PRORP: variants seen among roughly 807,000 people sequenced by gnomAD.
The protein encoded by PRORP is protein only RNase P catalytic subunit.
A neutral mutation model predicts 59.4 loss-of-function variants in PRORP; 51 were observed. The ratio of observed to expected loss-of-function variants is 0.86; its 90% CI spans 0.69 to 1.08. The LOEUF is 1.08. Ranked by LOEUF, PRORP falls within the 50% of genes least tolerant of loss-of-function variation. PRORP has a pLI of 0.00. For missense variants in PRORP, 646 were observed against 690.3 expected (o/e 0.94, Z 0.72); for synonymous variants, 231 against 245.6 (o/e 0.94, Z 0.55).
intron 5 of PRORP, among the ~76,000 whole-genome samples, chr14:35,240,178 C>T (rs1237503095): frequency 1.3e-5 from 2 of 152,014 alleles, no homozygotes; most frequent in Non-Finnish European, 2.9e-5. Context: ...AATCATTTCA[C>T]TACCACCAAA....
chr14:35,129,479 CT>C (rs1230052932), intron 4 of PRORP, among the ~76,000 whole-genome samples: 216 of 140,768 alleles, frequency 1.5e-3, no homozygotes, highest in African/African-American at 1.4e-3. Context: ...TTGTATTTTT[CT>C]TTTTTTTTTT....
intron 4 of PRORP, among the ~76,000 whole-genome samples, chr14:35,180,279 G>A (rs1386585531): frequency 1.3e-5 from 2 of 152,148 alleles, no homozygotes; most frequent in African/African-American, 2.4e-5. Context: ...CTTCCGCATC[G>A]CTCACGCTGG....
intron 4 of PRORP, among the ~76,000 whole-genome samples, chr14:35,130,053 C>T (rs1338040972): frequency 1.0e-4 from 13 of 128,314 alleles, no homozygotes; most frequent in African/African-American, 3.5e-4. Flanking sequence ...TTTTTTGAGA[C>T]GGAGTCTCGC....
intron 5 of PRORP, among the ~76,000 whole-genome samples, chr14:35,189,226 G>T (rs2048821722): frequency 6.6e-6 from 1 of 151,944 alleles, no homozygotes; most frequent in East Asian, 1.9e-4. Context: ...ATTGTATTTT[G>T]CTTAAAGTAT....
chr14:35,178,467 T>A lies in PRORP; in HGVS notation c.1168-2203T>A, dbSNP rs1047194251. Among the ~76,000 whole-genome samples the A allele has an allele frequency of 2.0e-5, 3 of 152,362 alleles. No homozygotes were observed. In the South Asian group the frequency reaches 6.2e-4, roughly 32 times the overall value. On this transcript the variant is annotated intron_variant, in intron 4 of 7. Transcript: ENST00000534898. The stretch of plus-strand genomic sequence containing the variant: ...TATATTTAGGATAGTTAGCTCTTCT[T>A]GTTGAATTGATCCCTTTACCATTAT...
intron 5 of PRORP, among the ~76,000 whole-genome samples, chr14:35,195,606 A>G (rs969131718): frequency 1.3e-5 from 2 of 152,122 alleles, no homozygotes; most frequent in African/African-American, 4.8e-5. Context: ...ATAAGAAACT[A>G]AAATAAATCT....
chr14:35,176,075 G>C (rs529653715), intron 4 of PRORP, among the ~76,000 whole-genome samples: 1 of 152,000 alleles, frequency 6.6e-6, no homozygotes, highest in African/African-American at 2.4e-5. Flanking sequence ...ATTTCTGAGG[G>C]CTCTGTTCTG....
At chr14:35,256,869 C>CTTT (rs71121272) in intron 5 of PRORP, among the ~76,000 whole-genome samples, 17 of 136,894 alleles carry the variant, frequency 1.2e-4, no homozygotes, top group Non-Finnish European at 1.3e-4. Flanking sequence ...TGATAAAATC[C>CTTT]TTTTTTTTTT....
At chr14:35,131,939 A>C (rs1001801431) in intron 4 of PRORP, among the ~76,000 whole-genome samples, 1 of 151,766 alleles carries the variant, frequency 6.6e-6, no homozygotes, top group African/African-American at 2.4e-5. Flanking sequence ...TCCCAGGTTC[A>C]AGTGATTCTC....
chr14:35,221,784 C>T (rs375324505), intron 5 of PRORP, among the ~76,000 whole-genome samples: 4 of 152,172 alleles, frequency 2.6e-5, no homozygotes, highest in Admixed American at 6.6e-5. Flanking sequence ...ATATTCTCTT[C>T]GTTTTTGAAA....
At chr14:35,180,472 T>A (rs2048575436) in intron 4 of PRORP, among the ~76,000 whole-genome samples, 198 bp from the exon 5 acceptor site, 1 of 152,154 alleles carries the variant, frequency 6.6e-6, no homozygotes, top group Admixed American at 6.6e-5. Context: ...ATTGGATAAT[T>A]GTATGCAGTT....
chr14:35,230,671 G>A (rs1471696622), intron 5 of PRORP, among the ~76,000 whole-genome samples: 2 of 152,170 alleles, frequency 1.3e-5, no homozygotes, highest in African/African-American at 4.8e-5. Context: ...GGTGATTCTT[G>A]TGAAAGAGGT....
chr14:35,252,450 A>G (rs989932516), intron 5 of PRORP, among the ~76,000 whole-genome samples: 1 of 152,124 alleles, frequency 6.6e-6, no homozygotes, highest in Admixed American at 6.5e-5. Flanking sequence ...AACAAACAAA[A>G]AAACAAATTA....
Position 35,126,743 on chromosome 14 carries a change from G to A in PRORP, c.995G>A (p.Gly332Glu). The A allele has an allele frequency of 1.2e-6, 2 of 1,609,426 alleles. No homozygotes were observed. The highest frequency in any genetic ancestry group is 1.7e-6 in the Non-Finnish European group (2 of 1,177,232). Residue 332 changes from glycine (G) to glutamate (E), a missense_variant, in exon 3 of 8, where the codon GGA becomes GAA. Transcript: ENST00000534898. Reference sequence around the variant, plus strand: ...TTGCAATCTTTTCATAGTGTTCCTGGAAAACAATGGAAAGGACAATTCACC... The same window carrying A: ...TTGCAATCTTTTCATAGTGTTCCTGAAAAACAATGGAAAGGACAATTCACC... ...SIKTWFESVP[G>E]KQWKGQFTTV...
intron 6 of PRORP, among the ~76,000 whole-genome samples, chr14:35,267,919 C>T (rs1358277718): frequency 6.6e-6 from 1 of 152,132 alleles, no homozygotes; most frequent in African/African-American, 2.4e-5. Context: ...GCAGAAACCG[C>T]AATGCAGAGG....
intron 4 of PRORP, among the ~76,000 whole-genome samples, chr14:35,135,849 T>TA (rs1212245607): frequency 6.6e-6 from 1 of 150,488 alleles, no homozygotes. Context: ...TCCCAGCTAC[T>TA]AAGGAGGCTG....
Position 35,123,799 on chromosome 14 carries a change from G to C in PRORP, c.554G>C (p.Cys185Ser), listed in dbSNP as rs1300285021. The C allele has an allele frequency of 1.9e-6, 3 of 1,614,028 alleles. No homozygotes were observed. Among genetic ancestry groups the C allele is most frequent in the Non-Finnish European group, 2.5e-6 (3 of 1,180,004 alleles). The change falls in exon 2 of 8, where the codon TGT becomes TCT. Residue 185 changes from cysteine (C) to serine (S), a missense_variant. Cys to Ser is a moderately radical substitution (Grantham distance 112). Coordinates refer to ENST00000534898, the MANE Select transcript of PRORP (RefSeq NM_014672.4). ...TTACTGGTCAAGTATTTGTATCTCT[G>C]TGTCTTTCATATGCAGACATCTGAA... ...YDLLVKYLYLCVFHMQTSEVI... is the reference protein window; with the variant it reads ...YDLLVKYLYLSVFHMQTSEVI...
chr14:35,242,144 G>T (rs956359812), intron 5 of PRORP, among the ~76,000 whole-genome samples: 1 of 152,078 alleles, frequency 6.6e-6, no homozygotes, highest in Non-Finnish European at 1.5e-5. Context: ...TCCTACTATG[G>T]AATGAATTAT....
intron 4 of PRORP, among the ~76,000 whole-genome samples, chr14:35,166,207 A>G (rs1018787630): frequency 2.6e-5 from 4 of 152,126 alleles, no homozygotes; most frequent in Non-Finnish European, 4.4e-5. Flanking sequence ...ATTTCATGAA[A>G]TACATGTTCT....
Sources: allele counts gnomAD v4.1 joint callset (sites outside exome capture counted in the v4.1 genomes callset), GRCh38; gene constraint gnomAD v4.1.1; transcripts MANE v1.5; gene names NCBI Gene and HGNC (gene_info 2026-07-23, HGNC 2026-07-21).